SNRNP35: variants seen among roughly 807,000 people sequenced by gnomAD.
The protein encoded by SNRNP35 is U11/U12 small nuclear ribonucleoprotein 35 kDa protein.
Under a neutral mutation model 24.3 loss-of-function variants are expected in SNRNP35, and 16 were observed. The ratio of observed to expected loss-of-function variants is 0.66; its 90% confidence interval spans 0.45 to 1.00. The LOEUF is 1.00. SNRNP35 is among the 50% of genes least tolerant of loss of function. The probability of loss-of-function intolerance (pLI) is 0.00; values close to 1 mark genes in which losing one functional copy is unlikely to be tolerated. For missense variants in SNRNP35, 292 were observed against 327.2 expected, an observed-to-expected ratio of 0.89 and a Z score of 0.83; for synonymous variants, 106 against 124.8, an observed-to-expected ratio of 0.85 and a Z score of 1.00.
chr12:123,458,251 C>T (rs887344132), intron 1 of SNRNP35, 35 bp downstream of exon 1: 1 of 984,708 alleles, frequency 1.0e-6, no homozygotes, highest in Non-Finnish European at 1.2e-6. Context: ...GCGGGCCCCA[C>T]GCCGGAGAGA....
At position 123,462,963 on chromosome 12, in the gene SNRNP35, G is replaced by A. The variant is rs2139284972; in HGVS notation, c.-3-2575G>A. The stretch of plus-strand genomic sequence containing the variant: ...AGAAAGATCCTTGAGGAAAATTTGA[G>A]TAAGAGGAAAAAAGTTATAGATATT... On this transcript the variant is annotated intron_variant, in intron 1 of 1. Coordinates refer to ENST00000526639, the MANE Select transcript of SNRNP35 (RefSeq NM_022717.4). 1.3e-5 allele frequency among the ~76,000 whole-genome samples: 2 copies of A among 152,244 alleles called. 1 individual carries two copies. The highest frequency in any genetic ancestry group is 4.1e-4 in the South Asian group (2 of 4,826).
Position 123,472,846 on chromosome 12 carries a change from A to T in SNRNP35, n.1853A>T, listed in dbSNP as rs966253009. 4 of 686,188 alleles carry T rather than the reference A, an allele frequency of 5.8e-6. No individual in the cohort carries two copies. The African/African-American group carries it at 7.2e-5, about 12-fold the overall frequency. The allele number at this position is 686,188 out of a possible 1,614,324, so 42.5% of individuals were successfully genotyped here. A position where few individuals can be genotyped will look rare whatever the true frequency, so the allele number is the denominator to read the frequency against. On this transcript the variant is annotated non_coding_transcript_exon_variant, in exon 2 of 2. Transcript: ENST00000527158. ...GTGCAGGTCAAAGTTATTCCAAGAA[A>T]GCAGCAGGGTATTCTGCGTGTCATT... is the stretch of plus-strand genomic sequence containing the variant.
Position 123,458,219 on chromosome 12 carries a change from G to GA in SNRNP35, c.-4+4dup. 2.0e-6 allele frequency: 2 copies of GA among 985,490 alleles called. No homozygotes were observed. Among genetic ancestry groups the GA allele is most frequent in the African/African-American group, 1.7e-5 (1 of 57,360 alleles). The allele number at this position is 985,490 out of a possible 1,614,324, so 61.0% of individuals were successfully genotyped here. ...AAGGGAGCCCAAGCTTTGCAGAGGTGAGTGGAAGCGGCTTGGAAGGAGCGG... is the reference window on the plus strand; with the variant it reads ...AAGGGAGCCCAAGCTTTGCAGAGGTGAAGTGGAAGCGGCTTGGAAGGAGCGG... On this transcript the variant is annotated splice_donor_region_variant and intron_variant, in intron 1 of 1. Transcript: ENST00000526639.
chr12:123,472,639 G>C, exon 2 of SNRNP35: 1 of 1,596,864 alleles, frequency 6.3e-7, no homozygotes, highest in Non-Finnish European at 8.5e-7. Flanking sequence ...ACGTTTCTCT[G>C]TGTGTTGGCC....
At chr12:123,459,758 G>C in intron 1 of SNRNP35, 1 of 1,334,790 alleles carries the variant, frequency 7.5e-7, no homozygotes, top group Admixed American at 2.1e-5. Context: ...TTGCACTCCA[G>C]CCTGGGTGAC....
chr12:123,462,462 G>A (rs993539190), intron 1 of SNRNP35, among the ~76,000 whole-genome samples: 12 of 151,236 alleles, frequency 7.9e-5, no homozygotes, highest in Non-Finnish European at 1.5e-4. Flanking sequence ...TAGGTTTTAT[G>A]ATGGGACATG....
chr12:123,464,019 C>G (rs1043598122), intron 1 of SNRNP35, among the ~76,000 whole-genome samples: 1 of 151,090 alleles, frequency 6.6e-6, no homozygotes, highest in African/African-American at 2.4e-5. Context: ...CCGCAACCTC[C>G]ACCAACCTAG....
chr12:123,463,718 TCTTAA>T (rs946595809), intron 1 of SNRNP35, among the ~76,000 whole-genome samples: 16 of 151,876 alleles, frequency 1.1e-4, no homozygotes, highest in Non-Finnish European at 1.9e-4. Context: ...TTGTTTTTTT[TCTTAA>T]CTTTTGGGAC....
Position 123,466,044 on chromosome 12 carries a change from G to A in SNRNP35, c.504G>A (p.Leu168=). Residue 168 remains leucine, a synonymous_variant, in exon 2 of 2, where the codon TTG becomes TTA. Transcript: ENST00000526639. The stretch of plus-strand genomic sequence containing the variant: ...GGCCTTTTCGAAAACCTATTAACTT[G>A]CCAGTTGTTAAAAACGACCTCTATA... ...RDRPFRKPIN[L]PVVKNDLYRE... The A allele has an allele frequency of 6.2e-7, 1 of 1,614,064 alleles. No individual in the cohort carries two copies. The highest frequency in any genetic ancestry group is 8.5e-7 in the Non-Finnish European group (1 of 1,180,030).
chr12:123,472,271 C>T (rs1448808864), exon 2 of SNRNP35: 13 of 394,372 alleles, frequency 3.3e-5, no homozygotes, highest in South Asian at 1.0e-4. Context: ...GTCTGGCCTC[C>T]GTTTGTGGGA....
chr12:123,463,629 T>G (rs745532659), intron 1 of SNRNP35, among the ~76,000 whole-genome samples: 5 of 151,948 alleles, frequency 3.3e-5, no homozygotes, highest in Non-Finnish European at 7.4e-5. Flanking sequence ...CTTGAACTCC[T>G]GACCTCGTGA....
downstream of SNRNP35, among the ~76,000 whole-genome samples, chr12:123,469,452 C>A (rs1238619277): frequency 6.6e-6 from 1 of 151,924 alleles, no homozygotes; most frequent in African/African-American, 2.4e-5. Flanking sequence ...TGCTCCTGGC[C>A]ATGAGAGCCG....
Position 123,466,136 on chromosome 12 carries a change from G to C in SNRNP35, c.596G>C (p.Arg199Thr). The change falls in exon 2 of 2, where the codon AGG (arginine) becomes ACG (threonine). Residue 199 changes from arginine to threonine, a missense_variant. Transcript: ENST00000526639. ...GAAAGACACTGGGACTCGAGGACAA[G>C]GGATCGAGACCATGACAGGGGCCGG... ...SRERHWDSRT[R>T]DRDHDRGREK... The C allele has an allele frequency of 6.2e-7, 1 of 1,611,932 alleles. No homozygotes were observed. Among genetic ancestry groups the C allele is most frequent in the Non-Finnish European group, 8.5e-7 (1 of 1,179,204 alleles).
intron 1 of SNRNP35, chr12:123,459,940 A>C: frequency 7.7e-7 from 1 of 1,290,984 alleles, no homozygotes; most frequent in Non-Finnish European, 1.1e-6. Flanking sequence ...AGAGAGAACA[A>C]AATCCATGCT....
At chr12:123,464,894 T>C (rs1880858011) in intron 1 of SNRNP35, 1 of 152,198 alleles carries the variant, frequency 6.6e-6, no homozygotes, top group Non-Finnish European at 1.5e-5. Context: ...ATCCCTGTTT[T>C]CTCTTGTAGT....
rs967800197 is a variant in SNRNP35 at position 123,458,198 on chromosome 12, G to A, written c.-22G>A. The A allele has an allele frequency of 5.8e-5, 57 of 985,422 alleles. No homozygotes were observed. Among genetic ancestry groups the A allele is most frequent in the Non-Finnish European group, 1.9e-5 (16 of 830,014 alleles). 61.0% of individuals were successfully genotyped at this position (985,422 alleles called of 1,614,324 possible). On this transcript the variant is annotated 5_prime_UTR_variant, in exon 1 of 2. Coordinates refer to ENST00000526639, the MANE Select transcript of SNRNP35 (RefSeq NM_022717.4). ...CTGCTCGCCTGTCTCCGTCGGAAGG[G>A]AGCCCAAGCTTTGCAGAGGTGAGTG...
chr12:123,461,524 T>C (rs1880632618), intron 1 of SNRNP35, among the ~76,000 whole-genome samples: 1 of 152,042 alleles, frequency 6.6e-6, no homozygotes, highest in African/African-American at 2.4e-5. Flanking sequence ...TGTCTCCCTC[T>C]CATCCTGTGC....
exon 2 of SNRNP35, chr12:123,472,625 G>A (rs766273153): frequency 2.5e-5 from 40 of 1,591,314 alleles, no homozygotes; most frequent in Non-Finnish European, 3.3e-5. Context: ...ACTCCTGGAT[G>A]TGCACGTTTC....
At chr12:123,462,500 C>CTT (rs144727236) in intron 1 of SNRNP35, among the ~76,000 whole-genome samples, 7 of 128,648 alleles carry the variant, frequency 5.4e-5, no homozygotes, top group East Asian at 4.4e-4. Context: ...GGTCAGAGGT[C>CTT]TTTTTTTTTT....
Sources: allele counts gnomAD v4.1 joint callset (sites outside exome capture counted in the v4.1 genomes callset), GRCh38; gene constraint gnomAD v4.1.1; transcripts MANE v1.5; gene names NCBI Gene and HGNC (gene_info 2026-07-23, HGNC 2026-07-21).